Variants in HHIPL1 observed in about 807,000 individuals in gnomAD.
The protein encoded by HHIPL1 is HHIP-like protein 1.
HHIPL1 carries 43 observed loss-of-function variants against 61.8 expected under a neutral mutation model. The observed-to-expected ratio is 0.70, with a 90% CI of 0.55 to 0.90. The LOEUF (loss-of-function observed/expected upper bound fraction) is 0.90, where lower values mean the gene tolerates loss of function less well. Ranked by LOEUF, HHIPL1 falls within the 40% of genes least tolerant of loss-of-function variation. The pLI is 0.00. For missense variants in HHIPL1, 1,056 were observed against 1,157.7 expected (o/e 0.91, Z 1.28); for synonymous variants, 482 against 515.8 (o/e 0.93, Z 0.89).
At chr14:99,624,072 AG>A in the HHIPL1 span, among the ~76,000 whole-genome samples, 9 of 152,218 alleles carry the variant, frequency 5.9e-5, no homozygotes, top group African/African-American at 2.2e-4. Flanking sequence ...CAGGCCAGAC[AG>A]GGGAGCTACT....
In HHIPL1 at chr14:99,660,066, C is replaced by G. The variant is rs1385426783; in HGVS notation, c.1376-214C>G. On this transcript the variant is annotated intron_variant, in intron 4 of 8. Transcript: ENST00000330710. This position sits in a 1 kb window ranked among gnomAD's most constrained non-coding sequence, Gnocchi z 4.9. ...CTGCGCCTTGGAGGCCTCCCAGCAGCGCTCTTGAGTTCTTCCTCGCTCCAT... is the reference window on the plus strand; with the variant it reads ...CTGCGCCTTGGAGGCCTCCCAGCAGGGCTCTTGAGTTCTTCCTCGCTCCAT... 6.6e-6 allele frequency among the ~76,000 whole-genome samples: 1 copy of G among 151,850 alleles called. No individual in the cohort carries two copies. The highest frequency in any genetic ancestry group is 1.5e-5 in the Non-Finnish European group (1 of 67,956).
At chr14:99,639,141 TG>T in the HHIPL1 span, among the ~76,000 whole-genome samples, 1 of 152,266 alleles carries the variant, frequency 6.6e-6, no homozygotes, top group African/African-American at 2.4e-5. Flanking sequence ...GCTGCCTAAC[TG>T]GTGGAGACCG....
rs2056134517 is a variant in HHIPL1 at position 99,660,471 on chromosome 14, G to A, written c.1502+65G>A. ...CTGGCTCCTTGGGACTGGCTCCTTG[G>A]TAAAGGGGAGTGTATGTGTGCGCCC... is the stretch of plus-strand genomic sequence containing the variant. On this transcript the variant is annotated intron_variant, in intron 5 of 8. Coordinates refer to ENST00000330710, the MANE Select transcript of HHIPL1 (RefSeq NM_001127258.3). This position sits in a 1 kb window ranked among gnomAD's most constrained non-coding sequence, Gnocchi z 4.9. 1 of 1,556,380 alleles carries A rather than the reference G, an allele frequency of 6.4e-7. No individual in the cohort carries two copies. Among genetic ancestry groups the A allele is most frequent in the Non-Finnish European group, 8.8e-7 (1 of 1,142,830 alleles).
At position 99,659,660 on chromosome 14, in the gene HHIPL1, G is replaced by C; in HGVS notation, c.1279G>C (p.Glu427Gln). 1.3e-6 allele frequency: 2 copies of C among 1,548,690 alleles called. No individual in the cohort carries two copies. The highest frequency in any genetic ancestry group is 2.4e-5 in the South Asian group (2 of 83,384). The change falls in exon 4 of 9, where the codon GAG (glutamate) becomes CAG (glutamine). Residue 427 changes from glutamate to glutamine, a missense_variant. Glu to Gln is a conservative substitution (Grantham distance 29, BLOSUM62 2). Transcript: ENST00000330710. ...CGACGTGGGCCAGAACAAGTTCGAG[G>C]AGGTGGACGTGGTGGAGCGCGGCGG... ...CGDVGQNKFE[E>Q]VDVVERGGNY...
the HHIPL1 span, among the ~76,000 whole-genome samples, chr14:99,606,546 G>C: frequency 1.3e-5 from 2 of 152,190 alleles, no homozygotes; most frequent in Non-Finnish European, 2.9e-5. Flanking sequence ...GTTCGTGCAT[G>C]GCTCCTGGTG....
chr14:99,633,373 T>C, the HHIPL1 span, among the ~76,000 whole-genome samples: 1 of 152,160 alleles, frequency 6.6e-6, no homozygotes, highest in Non-Finnish European at 1.5e-5. Flanking sequence ...GGAGAGAGTC[T>C]GTGATGCCTG....
Position 99,653,885 on chromosome 14 carries a change from A to C in HHIPL1, c.902+1015A>C, listed in dbSNP as rs528594965. ...ATTTGATCCTGGGAGTCAGTTACTC[A>C]TGTGTTAGAAATGATAAAAGGGCTC... On this transcript the variant is annotated intron_variant, in intron 2 of 8. Coordinates refer to ENST00000330710, the MANE Select transcript of HHIPL1 (RefSeq NM_001127258.3). Among the ~76,000 whole-genome samples the C allele has an allele frequency of 1.1e-3, 162 of 152,330 alleles. 2 individuals are homozygous for C. The highest frequency in any genetic ancestry group is 3.7e-3 in the African/African-American group (154 of 41,578).
the HHIPL1 span, among the ~76,000 whole-genome samples, chr14:99,629,655 G>A: frequency 2.0e-3 from 142 of 72,570 alleles, no homozygotes; most frequent in South Asian, 7.3e-3. Flanking sequence ...GTGCCACCAC[G>A]CCCGGCTAAT....
At chr14:99,643,798 C>T (rs958733794), upstream of HHIPL1, among the ~76,000 whole-genome samples, 2 of 152,188 alleles carry the variant, frequency 1.3e-5, no homozygotes, top group South Asian at 4.1e-4. Flanking sequence ...ATTTCTCCTC[C>T]TCTGTCTGTG....
intron 1 of HHIPL1, among the ~76,000 whole-genome samples, chr14:99,650,355 G>A (rs948746112): frequency 6.6e-6 from 1 of 152,200 alleles, no homozygotes; most frequent in Non-Finnish European, 1.5e-5. Flanking sequence ...AAGCTCTGGG[G>A]GCCCAGAGCT....
chr14:99,657,222 C>A (rs35826699), intron 3 of HHIPL1, 79 bp downstream of exon 3: 192,365 of 1,493,498 alleles, frequency 0.13, 14,323 homozygotes, highest in East Asian at 0.28. Flanking sequence ...GGGTGAGTTC[C>A]TTCCTCGGCC....
chr14:99,652,817 C>A lies in HHIPL1; in HGVS notation c.849C>A (p.Ser283Arg), dbSNP rs750868366. ...GCAGCAGTGAGTGGATCCGCATCAG[C>A]GAGTTCAGAGTCTCCGAGGATGACG... is the stretch of plus-strand genomic sequence containing the variant. ...GIRSSEWIRI[S>R]EFRVSEDDEN... is the part of the protein sequence containing the mutation. The change falls in exon 2 of 9, where the codon AGC (serine) becomes AGA (arginine). Residue 283 changes from serine to arginine, a missense_variant. Ser to Arg is a moderately radical substitution (Grantham distance 110). Coordinates refer to ENST00000330710, the MANE Select transcript of HHIPL1 (RefSeq NM_001127258.3). The A allele has an allele frequency of 5.0e-6, 8 of 1,614,116 alleles. No homozygotes were observed. Among genetic ancestry groups the A allele is most frequent in the Non-Finnish European group, 5.9e-6 (7 of 1,180,038 alleles).
At position 99,668,685 on chromosome 14, in the gene HHIPL1, T is replaced by C. The variant is rs1216656164; in HGVS notation, c.1730+382T>C. 3 of 375,028 alleles carry C rather than the reference T, an allele frequency of 8.0e-6. No individual in the cohort carries two copies. The highest frequency in any genetic ancestry group is 1.5e-5 in the Non-Finnish European group (3 of 193,896). 23.2% of individuals were successfully genotyped at this position (375,028 alleles called of 1,614,324 possible). ...TGCACCCCCACACCCCAGCCCCCAA[T>C]TTGCCTCTGTGATGCCTCCCAGATG... On this transcript the variant is annotated intron_variant, in intron 7 of 8. Coordinates refer to ENST00000330710, the MANE Select transcript of HHIPL1 (RefSeq NM_001127258.3). The surrounding 1 kb of genome is among the most constrained non-coding windows in gnomAD (Gnocchi z 4.7).
chr14:99,612,088 T>C, the HHIPL1 span, among the ~76,000 whole-genome samples: 1 of 152,174 alleles, frequency 6.6e-6, no homozygotes, highest in East Asian at 1.9e-4. Context: ...CACTGGGTAA[T>C]TTACAAAGGA....
the HHIPL1 span, among the ~76,000 whole-genome samples, chr14:99,637,039 GAAAGAAAGAA>G: frequency 2.9e-5 from 3 of 105,244 alleles, no homozygotes; most frequent in Non-Finnish European, 4.0e-5. Flanking sequence ...AAGAAAGAAA[GAAAGAAAGAA>G]GGAAGGAAGG....
intron 4 of HHIPL1, 27 bp downstream of exon 4, chr14:99,659,783 G>A: frequency 4.1e-6 from 5 of 1,225,208 alleles, no homozygotes; most frequent in Admixed American, 5.0e-5. Flanking sequence ...CGGGGACCCC[G>A]GCCCCGAATC....
chr14:99,664,812 C>A (rs2056215687), intron 6 of HHIPL1, among the ~76,000 whole-genome samples: 1 of 152,110 alleles, frequency 6.6e-6, no homozygotes, highest in African/African-American at 2.4e-5. Context: ...GGGCAGATTC[C>A]TGGGAGAAAA....
chr14:99,606,033 T>C, the HHIPL1 span, among the ~76,000 whole-genome samples: 1 of 152,184 alleles, frequency 6.6e-6, no homozygotes, highest in African/African-American at 2.4e-5. Context: ...AGGCTCACCC[T>C]GGCCCACATG....
chr14:99,637,018 A>AGAAAGAAAGAAAGAAAGAAAGAAT, the HHIPL1 span, among the ~76,000 whole-genome samples: 2 of 111,090 alleles, frequency 1.8e-5, no homozygotes, highest in African/African-American at 6.8e-5. Flanking sequence ...AAAGAAAGAA[A>AGAAAGAAAGAAAGAAAGAAAGAAT]GAAAGAAAGA....
Sources: allele counts gnomAD v4.1 joint callset (sites outside exome capture counted in the v4.1 genomes callset), GRCh38; gene constraint gnomAD v4.1.1; non-coding constraint Gnocchi (gnomAD v3.1); transcripts MANE v1.5; gene names NCBI Gene and HGNC (gene_info 2026-07-23, HGNC 2026-07-21).